Variants in RAPGEF4 observed in about 807,000 individuals in gnomAD.
RAPGEF4 encodes RAP guanine-nucleotide-exchange factor (GEF) 4.
RAPGEF4 carries 66 observed loss-of-function variants against 147.9 expected under a neutral mutation model. The observed-to-expected ratio is 0.45, with a 90% CI of 0.37 to 0.55. The LOEUF is 0.55. Among genes scored for constraint, RAPGEF4 ranks in the 20% least tolerant of loss-of-function variants. The pLI is 0.00. For synonymous variants in RAPGEF4, 419 were observed against 442.7 expected (o/e 0.95, Z 0.67); for missense variants, 1,071 against 1,257.3 (o/e 0.85, Z 2.24).
intron 19 of RAPGEF4, among the ~76,000 whole-genome samples, 196 bp from the exon 20 acceptor site, chr2:173,016,978 G>A (rs1396111657): frequency 6.6e-6 from 1 of 152,214 alleles, no homozygotes; most frequent in Admixed American, 6.5e-5. Flanking sequence ...GAATCTGCCT[G>A]TGACAAGAGC....
At chr2:172,779,575 T>C (rs1453534982) in intron 1 of RAPGEF4, among the ~76,000 whole-genome samples, 2 of 152,114 alleles carry the variant, frequency 1.3e-5, no homozygotes, top group African/African-American at 2.4e-5. Flanking sequence ...AGGTGGGACA[T>C]GGGGGCCAGG....
chr2:172,903,330 C>T (rs1430629371), intron 4 of RAPGEF4, among the ~76,000 whole-genome samples: 1 of 138,900 alleles, frequency 7.2e-6, no homozygotes, highest in Non-Finnish European at 1.5e-5. Context: ...GATTGCGCCA[C>T]TGCACTCCAG....
At chr2:172,765,269 A>G (rs1409167390) in intron 1 of RAPGEF4, among the ~76,000 whole-genome samples, 1 of 152,182 alleles carries the variant, frequency 6.6e-6, no homozygotes, top group East Asian at 1.9e-4. Flanking sequence ...TTCTTAACGA[A>G]TTACATCTGC....
chr2:173,006,627 C>T (rs939417922), intron 17 of RAPGEF4, among the ~76,000 whole-genome samples: 1 of 152,132 alleles, frequency 6.6e-6, no homozygotes, highest in Non-Finnish European at 1.5e-5. Flanking sequence ...AAATTAGGGT[C>T]CCTGTCATAA....
chr2:173,028,539 A>G (rs1696874262), intron 25 of RAPGEF4, among the ~76,000 whole-genome samples: 1 of 152,218 alleles, frequency 6.6e-6, no homozygotes, highest in South Asian at 2.1e-4. Flanking sequence ...AGCCTTTCAG[A>G]ACACCCAGGA....
At chr2:172,935,617 T>C (rs1428320057) in intron 6 of RAPGEF4, among the ~76,000 whole-genome samples, 2 of 152,236 alleles carry the variant, frequency 1.3e-5, no homozygotes, top group Non-Finnish European at 2.9e-5. Context: ...TATGAAGAAG[T>C]TGGACAGATG....
At chr2:172,907,198 T>C (rs1415667148) in intron 4 of RAPGEF4, among the ~76,000 whole-genome samples, 4 of 152,236 alleles carry the variant, frequency 2.6e-5, no homozygotes, top group African/African-American at 9.6e-5. Flanking sequence ...TTGTTTCATA[T>C]TAGAAAATAT....
At chr2:172,876,416 A>C (rs1304803105) in intron 4 of RAPGEF4, among the ~76,000 whole-genome samples, 1 of 152,164 alleles carries the variant, frequency 6.6e-6, no homozygotes, top group Non-Finnish European at 1.5e-5. Flanking sequence ...TTTTTGAGAT[A>C]TGTCCCATCA....
intron 12 of RAPGEF4, among the ~76,000 whole-genome samples, chr2:172,987,358 C>T (rs1410511930): frequency 6.6e-6 from 1 of 152,108 alleles, no homozygotes; most frequent in Non-Finnish European, 1.5e-5. Flanking sequence ...CCTTTGTACC[C>T]TCATTTATCC....
At chr2:172,925,476 T>A (rs922286058) in intron 6 of RAPGEF4, among the ~76,000 whole-genome samples, 2 of 152,146 alleles carry the variant, frequency 1.3e-5, no homozygotes, top group African/African-American at 4.8e-5. Context: ...TTATAATTGA[T>A]GGAGACATCA....
chr2:172,740,058 A>T (rs1267640135), intron 1 of RAPGEF4, among the ~76,000 whole-genome samples: 1 of 152,250 alleles, frequency 6.6e-6, no homozygotes, highest in Non-Finnish European at 1.5e-5. Flanking sequence ...ATTTGGTTAC[A>T]TATTGTCTAC....
intron 1 of RAPGEF4, among the ~76,000 whole-genome samples, chr2:172,786,880 G>A (rs1685261548): frequency 2.0e-5 from 3 of 152,012 alleles, no homozygotes; most frequent in South Asian, 2.1e-4. Context: ...TAGCAAGACC[G>A]CCATCTCTAA....
intron 3 of RAPGEF4, among the ~76,000 whole-genome samples, chr2:172,813,468 G>A (rs916825736): frequency 3.3e-5 from 5 of 152,080 alleles, no homozygotes; most frequent in Non-Finnish European, 7.3e-5. Flanking sequence ...GTACTTCATC[G>A]GATGCTGTTT....
intron 12 of RAPGEF4, among the ~76,000 whole-genome samples, chr2:172,986,332 T>A (rs1692246777): frequency 6.6e-6 from 1 of 152,234 alleles, no homozygotes; most frequent in South Asian, 2.1e-4. Flanking sequence ...TGTTAACTCT[T>A]TAGAGACAGT....
chr2:172,774,499 G>C (rs924830334), intron 1 of RAPGEF4, among the ~76,000 whole-genome samples: 5 of 152,108 alleles, frequency 3.3e-5, no homozygotes, highest in East Asian at 3.9e-4. Flanking sequence ...TTATTTTGCT[G>C]TCTGGAAACA....
chr2:172,961,134 A>G lies in RAPGEF4; in HGVS notation c.604A>G (p.Lys202Glu). 6.2e-7 allele frequency: 1 copy of G among 1,608,200 alleles called. No homozygotes were observed. The highest frequency in any genetic ancestry group is 1.3e-5 in the African/African-American group (1 of 74,900). Residue 202 changes from lysine (K) to glutamate (E), a missense_variant, in exon 8 of 31, where the codon AAG becomes GAG. By Grantham distance (56) the Lys-to-Glu change is moderately conservative. Coordinates refer to ENST00000397081, the MANE Select transcript of RAPGEF4 (RefSeq NM_007023.4). ...ANTITKVPSE[K>E]ILRAGKILRN... ...GATTACAATCCAGGTCCCTTCAGAG[A>G]AGATCCTCAGAGCTGGAAAAATTTT...
At chr2:172,897,350 T>C (rs1216611554) in intron 4 of RAPGEF4, among the ~76,000 whole-genome samples, 1 of 152,116 alleles carries the variant, frequency 6.6e-6, no homozygotes, top group Middle Eastern at 3.2e-3. Flanking sequence ...TTCAGTGAAA[T>C]GAAGGTGATC....
upstream of RAPGEF4, chr2:172,735,327 T>A (rs1693659425): frequency 6.7e-6 from 1 of 148,492 alleles, no homozygotes; most frequent in Non-Finnish European, 1.5e-5. Context: ...CATTCCTCAC[T>A]GAGAGACTCG....
intron 6 of RAPGEF4, 52 bp downstream of exon 6, chr2:172,922,352 A>T: frequency 2.0e-6 from 3 of 1,519,868 alleles, no homozygotes; most frequent in South Asian, 1.1e-5. Context: ...TAAGGTAAAA[A>T]ATAATCATGG....
Sources: gnomAD v4.1 joint callset for allele counts (sites outside exome capture counted in the v4.1 genomes callset) on GRCh38, gnomAD v4.1.1 for gene constraint, MANE v1.5 for transcripts, NCBI Gene and HGNC (gene_info 2026-07-23, HGNC 2026-07-21) for gene names.